Variants in GALNT10 observed in about 807,000 individuals in gnomAD.
GALNT10 encodes the protein GalNAc transferase 10.
Under a neutral mutation model 75.0 loss-of-function variants are expected in GALNT10, and 41 were observed. The observed-to-expected ratio is 0.55, with a 90% confidence interval of 0.43 to 0.71. The LOEUF (loss-of-function observed/expected upper bound fraction) is 0.71, where lower values mean the gene tolerates loss of function less well. Ranked by LOEUF, GALNT10 falls within the 30% of genes least tolerant of loss-of-function variation. GALNT10 has a pLI of 0.00. For missense variants in GALNT10, 727 were observed against 818.5 expected (o/e 0.89, Z 1.36); for synonymous variants, 302 against 313.0 (o/e 0.96, Z 0.37).
At chr5:154,414,472 T>C (rs1756464532) in intron 10 of GALNT10, among the ~76,000 whole-genome samples, 1 of 152,160 alleles carries the variant, frequency 6.6e-6, no homozygotes, top group Non-Finnish European at 1.5e-5. Flanking sequence ...AGTGAAAGAA[T>C]GACACAAAAG....
At chr5:154,251,677 T>C (rs903138466) in intron 1 of GALNT10, among the ~76,000 whole-genome samples, 2 of 152,164 alleles carry the variant, frequency 1.3e-5, no homozygotes, top group Non-Finnish European at 1.5e-5. Flanking sequence ...ACCTCAGTAG[T>C]CTTTGATGAC....
rs1181732796 is a variant in GALNT10 at position 154,419,298 on chromosome 5, A to G, written c.*2326A>G. ...AGTCTGTGGCCTAGAAGACCTCATC[A>G]GCCCCCGAGAGGAGGCCTTGCATTA... On this transcript the variant is annotated 3_prime_UTR_variant, in exon 12 of 12. Coordinates refer to ENST00000297107, the MANE Select transcript of GALNT10 (RefSeq NM_198321.4). The G allele has an allele frequency of 1.3e-5, 2 of 152,096 alleles. No individual in the cohort carries two copies. Among genetic ancestry groups the G allele is most frequent in the Admixed American group, 6.6e-5 (1 of 15,262 alleles). The allele number at this position is 152,096 out of a possible 1,614,324, so 9.4% of individuals were successfully genotyped here. A position where few individuals can be genotyped will look rare whatever the true frequency, so the allele number is the denominator to read the frequency against.
chr5:154,324,443 A>C lies in GALNT10; in HGVS notation c.402-5129A>C, dbSNP rs7707384. Among the ~76,000 whole-genome samples the C allele has an allele frequency of 9.9e-3, 1,513 of 152,350 alleles. 20 individuals carry two copies. The highest frequency in any genetic ancestry group is 0.028 in the South Asian group (133 of 4,830). ...CTGGTAAAATGGGCCAGGGGCTCACATGCAGCCACATGGGTGCAGCCTCTT... is the reference window on the plus strand; with the variant it reads ...CTGGTAAAATGGGCCAGGGGCTCACCTGCAGCCACATGGGTGCAGCCTCTT... On this transcript the variant is annotated intron_variant, in intron 3 of 11. Coordinates refer to ENST00000297107, the MANE Select transcript of GALNT10 (RefSeq NM_198321.4).
intron 7 of GALNT10, among the ~76,000 whole-genome samples, chr5:154,403,274 G>A (rs1223024446): frequency 6.6e-6 from 1 of 152,176 alleles, no homozygotes; most frequent in African/African-American, 2.4e-5. Flanking sequence ...GGCCTCCCAA[G>A]GAGGGTCTAT....
intron 4 of GALNT10, among the ~76,000 whole-genome samples, chr5:154,348,065 A>G (rs1213997133): frequency 6.6e-6 from 1 of 152,264 alleles, no homozygotes; most frequent in Non-Finnish European, 1.5e-5. Context: ...CTGTTCCTGC[A>G]TAGAGCCAGA....
At chr5:154,366,092 G>A (rs1755470047) in intron 4 of GALNT10, among the ~76,000 whole-genome samples, 1 of 152,250 alleles carries the variant, frequency 6.6e-6, no homozygotes, top group African/African-American at 2.4e-5. Flanking sequence ...CAACAGCAGT[G>A]CTGCTTAGGG....
intron 4 of GALNT10, among the ~76,000 whole-genome samples, chr5:154,373,318 A>C (rs781601481): frequency 2.6e-4 from 40 of 152,186 alleles, no homozygotes; most frequent in Non-Finnish European, 5.7e-4. Flanking sequence ...AGGTACATTT[A>C]ACTTCTCTGG....
chr5:154,321,835 A>T (rs1039839431), intron 3 of GALNT10, among the ~76,000 whole-genome samples: 32 of 151,846 alleles, frequency 2.1e-4, no homozygotes, highest in Non-Finnish European at 3.7e-4. Flanking sequence ...AGGGGCACCC[A>T]CTGTCACCTC....
rs544048828 is a variant in GALNT10 at position 154,311,993 on chromosome 5, T to C, written c.401+13914T>C. ...TAGTGAGTGGTATTTGCTACATAAA[T>C]CCAGCAAACACAACCAGCCGACTCC... On this transcript the variant is annotated intron_variant, in intron 3 of 11. Transcript: ENST00000297107. 3.9e-4 allele frequency among the ~76,000 whole-genome samples: 60 copies of C among 152,216 alleles called. No homozygotes were observed. The Middle Eastern group carries it at 0.01, about 26-fold the overall frequency.
intron 1 of GALNT10, among the ~76,000 whole-genome samples, chr5:154,227,156 T>C (rs1753075992): frequency 6.6e-6 from 1 of 152,230 alleles, no homozygotes; most frequent in African/African-American, 2.4e-5. Flanking sequence ...GAAATTCATG[T>C]ACAAGTCTTT....
chr5:154,306,042 AT>A (rs1282638061), intron 3 of GALNT10, among the ~76,000 whole-genome samples: 2 of 152,130 alleles, frequency 1.3e-5, no homozygotes, highest in Non-Finnish European at 2.9e-5. Context: ...ACAACAAACT[AT>A]AAGGAGAAAT....
At chr5:154,325,173 C>T (rs1317321656) in intron 3 of GALNT10, among the ~76,000 whole-genome samples, 1 of 65,786 alleles carries the variant, frequency 1.5e-5, no homozygotes, top group African/African-American at 4.7e-5. Context: ...GTGGCCTAAC[C>T]GTGCCTCTGA....
At chr5:154,400,279 G>A (rs768023436) in intron 7 of GALNT10, among the ~76,000 whole-genome samples, 17 of 152,104 alleles carry the variant, frequency 1.1e-4, no homozygotes. Flanking sequence ...CCCTCTCTTG[G>A]GACTGCCCTG....
At chr5:154,274,360 C>T (rs1393533698) in intron 1 of GALNT10, among the ~76,000 whole-genome samples, 1 of 152,158 alleles carries the variant, frequency 6.6e-6, no homozygotes, top group Non-Finnish European at 1.5e-5. Flanking sequence ...TAAAAACATG[C>T]TTATGAACAC....
intron 3 of GALNT10, among the ~76,000 whole-genome samples, chr5:154,325,585 A>T (rs2113112651): frequency 6.6e-6 from 1 of 152,006 alleles, no homozygotes; most frequent in East Asian, 1.9e-4. Context: ...AATACATCAT[A>T]TTAATAAAAT....
At chr5:154,300,001 A>AT (rs899805654) in intron 3 of GALNT10, among the ~76,000 whole-genome samples, 1 of 151,914 alleles carries the variant, frequency 6.6e-6, no homozygotes, top group Non-Finnish European at 1.5e-5. Flanking sequence ...CTGCTGGTGA[A>AT]TTTTTTGTAT....
chr5:154,341,631 G>A (rs1162922520), intron 4 of GALNT10, among the ~76,000 whole-genome samples: 1 of 152,150 alleles, frequency 6.6e-6, no homozygotes, highest in Non-Finnish European at 1.5e-5. Context: ...CTCCACACCA[G>A]CTAGCAGATT....
At chr5:154,415,390 G>T (rs914408093) in intron 10 of GALNT10, among the ~76,000 whole-genome samples, 2 of 151,946 alleles carry the variant, frequency 1.3e-5, no homozygotes, top group African/African-American at 4.8e-5. Context: ...CATGCTGGAG[G>T]GCAGTGGTGC....
chr5:154,283,179 C>T (rs1754062915), intron 1 of GALNT10, among the ~76,000 whole-genome samples: 1 of 151,512 alleles, frequency 6.6e-6, no homozygotes, highest in South Asian at 2.1e-4. Flanking sequence ...CATGATGGCT[C>T]ACGCCTGTAA....
Sources: gnomAD v4.1 joint callset for allele counts (sites outside exome capture counted in the v4.1 genomes callset) on GRCh38, gnomAD v4.1.1 for gene constraint, MANE v1.5 for transcripts, NCBI Gene and HGNC (gene_info 2026-07-23, HGNC 2026-07-21) for gene names.